The following FMNL2 variants were observed in gnomAD, a reference collection of about 807,000 sequenced individuals.
FMNL2 encodes formin-like protein 2.
FMNL2 carries 51 observed loss-of-function variants against 130.2 expected under a neutral mutation model. The observed-to-expected ratio is 0.39, with a 90% CI of 0.31 to 0.49. The LOEUF (loss-of-function observed/expected upper bound fraction) is 0.49. Ranked by LOEUF, FMNL2 falls within the 20% of genes least tolerant of loss-of-function variation. The probability of loss-of-function intolerance (pLI) is 0.85; values close to 1 mark genes in which losing one functional copy is unlikely to be tolerated. For missense variants in FMNL2, 977 were observed against 1,316.2 expected, an observed-to-expected ratio of 0.74 and a Z score of 3.99; for synonymous variants, 465 against 467.1, an observed-to-expected ratio of 1.00 and a Z score of 0.06.
chr2:152,356,695 C>T (rs1682807232), intron 1 of FMNL2, among the ~76,000 whole-genome samples: 1 of 149,364 alleles, frequency 6.7e-6, no homozygotes, highest in Admixed American at 6.7e-5. Context: ...ACACGTGTAT[C>T]CTTTTTGCTT....
chr2:152,351,382 T>G (rs1682473628), intron 1 of FMNL2, among the ~76,000 whole-genome samples: 1 of 152,164 alleles, frequency 6.6e-6, no homozygotes. Flanking sequence ...TTCCATTGTG[T>G]GACGTTCCCC....
At position 152,560,995 on chromosome 2, in the gene FMNL2, G is replaced by A; in HGVS notation, c.556G>A (p.Gly186Ser). The change falls in exon 6 of 26, where the codon GGC (glycine) becomes AGC (serine). Residue 186 changes from glycine (G) to serine (S), a missense_variant. Gly to Ser is a moderately conservative substitution (Grantham distance 56). Coordinates refer to ENST00000288670, the MANE Select transcript of FMNL2 (RefSeq NM_052905.4). ...HRGSNLPSPV[G>S]NSVSRSGRHS... ...AGGGAGCAACCTGCCCTCACCTGTG[G>A]GCAACAGTGTCTCCCGCTCTGGAAG... The A allele has an allele frequency of 1.9e-6, 3 of 1,604,610 alleles. No homozygotes were observed. Among genetic ancestry groups the A allele is most frequent in the Non-Finnish European group, 1.7e-6 (2 of 1,175,430 alleles).
intron 1 of FMNL2, among the ~76,000 whole-genome samples, chr2:152,375,875 C>CTATATATATATATATATATATATA (rs71394478): frequency 2.7e-5 from 3 of 112,826 alleles, no homozygotes; most frequent in Non-Finnish European, 5.2e-5. Flanking sequence ...CTCTCTCTCT[C>CTATATATATATATATATATATATA]TCTATATATA....
chr2:152,387,821 T>A (rs116755488), intron 1 of FMNL2, among the ~76,000 whole-genome samples: 17 of 47,232 alleles, frequency 3.6e-4, no homozygotes, highest in South Asian at 1.9e-3. Flanking sequence ...AAAAAAAAAA[T>A]TTTTTTTTTT....
intron 6 of FMNL2, 94 bp downstream of exon 6, chr2:152,561,129 A>G: frequency 7.6e-7 from 1 of 1,315,944 alleles, no homozygotes; most frequent in Non-Finnish European, 1.0e-6. Context: ...GTATCTCATA[A>G]ATTGCCATAC....
In FMNL2 at chr2:152,596,919, A is replaced by G. The variant is rs1186656344; in HGVS notation, c.877-10420A>G. ...GTCACAAAGTAGAATCCGAAATCGTATCGATGAACTTTTTCCATACTGTTG... is the reference window on the plus strand; with the variant it reads ...GTCACAAAGTAGAATCCGAAATCGTGTCGATGAACTTTTTCCATACTGTTG... On this transcript the variant is annotated intron_variant, in intron 9 of 25. Transcript: ENST00000288670. Among the ~76,000 whole-genome samples, 3 of 152,376 alleles carry G rather than the reference A, an allele frequency of 2.0e-5. No individual in the cohort carries two copies. The East Asian group carries it at 5.8e-4, about 29-fold the overall frequency.
intron 1 of FMNL2, among the ~76,000 whole-genome samples, chr2:152,364,276 T>TG (rs1424473388): frequency 4.7e-5 from 7 of 148,772 alleles, no homozygotes; most frequent in African/African-American, 9.9e-5. Flanking sequence ...TTTTTTTTTT[T>TG]TTTTTTTTTT....
intron 1 of FMNL2, among the ~76,000 whole-genome samples, chr2:152,394,904 C>G (rs1685310709): frequency 6.6e-6 from 1 of 152,104 alleles, no homozygotes; most frequent in Non-Finnish European, 1.5e-5. Flanking sequence ...CTGAAAATTA[C>G]AAAACCAAAT....
intron 1 of FMNL2, among the ~76,000 whole-genome samples, chr2:152,512,946 T>C (rs1359300381): frequency 6.6e-6 from 1 of 152,226 alleles, no homozygotes; most frequent in Non-Finnish European, 1.5e-5. Flanking sequence ...CTGAAACTTC[T>C]GTATGTGTAT....
intron 1 of FMNL2, among the ~76,000 whole-genome samples, chr2:152,470,955 T>G (rs927004996): frequency 1.3e-5 from 2 of 152,216 alleles, no homozygotes; most frequent in Admixed American, 1.3e-4. Context: ...ATTTAGTTTT[T>G]TAAAAAAGAA....
rs776090769 is a variant in FMNL2 at position 152,619,068 on chromosome 2, T to G, written c.1537T>G (p.Ser513Ala). The stretch of plus-strand genomic sequence containing the variant: ...GGGGTCAGAAGTGGTAGCAGGTAAC[T>G]CTGTGGGACCCACAATGGGGGCCGC... ...SMGSEVVAGN[S>A]VGPTMGAASS... The change falls in exon 14 of 26, where the codon TCT becomes GCT. Residue 513 changes from serine (S) to alanine (A), a missense_variant. Ser to Ala is a moderately conservative substitution (Grantham distance 99). Transcript: ENST00000288670. The G allele has an allele frequency of 6.2e-7, 1 of 1,613,648 alleles. No homozygotes were observed. Among genetic ancestry groups the G allele is most frequent in the South Asian group, 1.1e-5 (1 of 91,070 alleles).
intron 1 of FMNL2, among the ~76,000 whole-genome samples, chr2:152,463,626 C>A (rs1164732493): frequency 6.6e-6 from 1 of 152,140 alleles, no homozygotes; most frequent in Non-Finnish European, 1.5e-5. Context: ...TTTCCTCAGT[C>A]TTAGATAAAA....
chr2:152,644,887 C>A (rs1683408860), intron 25 of FMNL2, among the ~76,000 whole-genome samples: 1 of 152,090 alleles, frequency 6.6e-6, no homozygotes, highest in African/African-American at 2.4e-5. Flanking sequence ...GTTTTTGATG[C>A]CTAATAAGAA....
intron 1 of FMNL2, among the ~76,000 whole-genome samples, chr2:152,514,117 A>G (rs562289285): frequency 8.7e-4 from 132 of 152,278 alleles, no homozygotes; most frequent in African/African-American, 2.9e-3. Flanking sequence ...GTAATTTTCA[A>G]GTGAACTCAG....
intron 1 of FMNL2, among the ~76,000 whole-genome samples, chr2:152,484,220 A>G (rs2346209): frequency 0.44 from 66,948 of 152,038 alleles, 15,835 homozygotes; most frequent in East Asian, 0.68. Context: ...TCAGATACCT[A>G]ACATTTACAA....
At chr2:152,476,792 T>A (rs1338274293) in intron 1 of FMNL2, among the ~76,000 whole-genome samples, 2 of 152,208 alleles carry the variant, frequency 1.3e-5, no homozygotes, top group East Asian at 3.9e-4. Flanking sequence ...TGGTATTGTT[T>A]CTAGGGTTTA....
chr2:152,448,688 T>C (rs999410572), intron 1 of FMNL2, among the ~76,000 whole-genome samples: 1 of 152,238 alleles, frequency 6.6e-6, no homozygotes, highest in Non-Finnish European at 1.5e-5. Flanking sequence ...TGCATTAGGC[T>C]CTGTAATTCT....
intron 6 of FMNL2, among the ~76,000 whole-genome samples, chr2:152,574,020 A>G (rs187646092): frequency 1.2e-4 from 18 of 152,164 alleles, no homozygotes; most frequent in African/African-American, 4.3e-4. Flanking sequence ...GTTGCTTTCT[A>G]CACTCCATAA....
intron 9 of FMNL2, among the ~76,000 whole-genome samples, chr2:152,599,935 G>C (rs1454872796): frequency 6.6e-6 from 1 of 152,186 alleles, no homozygotes; most frequent in African/African-American, 2.4e-5. Flanking sequence ...CTGCTGCATG[G>C]TGTATGTGTA....
Sources: allele counts gnomAD v4.1 joint callset (sites outside exome capture counted in the v4.1 genomes callset), GRCh38; gene constraint gnomAD v4.1.1; transcripts MANE v1.5; gene names NCBI Gene and HGNC (gene_info 2026-07-23, HGNC 2026-07-21).